The following NRG1 variants were observed in gnomAD, a reference collection of about 807,000 sequenced individuals.
NRG1 encodes neuregulin 1, also known as pro-neuregulin-1, membrane-bound isoform.
NRG1 carries 18 observed loss-of-function variants against 63.8 expected under a neutral mutation model. That is an observed-to-expected ratio of 0.28 (90% CI 0.19 to 0.42). NRG1 has a LOEUF of 0.42. Ranked by LOEUF, NRG1 falls within the 10% of genes least tolerant of loss-of-function variation. The pLI, the probability that NRG1 is intolerant of heterozygous loss-of-function variation, is 1.00. For synonymous variants in NRG1, 302 were observed against 301.3 expected (o/e 1.00, Z -0.02); for missense variants, 762 against 814.7 (o/e 0.94, Z 0.79).
intron 1 of NRG1, among the ~76,000 whole-genome samples, chr8:32,585,737 A>G (rs957848872): frequency 2.0e-5 from 3 of 152,170 alleles, no homozygotes; most frequent in Non-Finnish European, 2.9e-5. Flanking sequence ...AAATTCAGCA[A>G]TTTTGCATAT....
intron 1 of NRG1, among the ~76,000 whole-genome samples, chr8:31,834,225 T>C (rs966790793): frequency 6.6e-6 from 1 of 152,006 alleles, no homozygotes; most frequent in Admixed American, 6.5e-5. Flanking sequence ...GTCCCCATGA[T>C]TAATCTGACT....
intron 1 of NRG1, among the ~76,000 whole-genome samples, chr8:31,951,872 A>G: frequency 6.6e-6 from 1 of 152,196 alleles, no homozygotes; most frequent in East Asian, 1.9e-4. Context: ...ATGGCCTGTA[A>G]AATATTCTTG....
intron 1 of NRG1, among the ~76,000 whole-genome samples, chr8:32,108,159 C>G (rs1831519095): frequency 6.6e-6 from 1 of 152,162 alleles, no homozygotes; most frequent in Non-Finnish European, 1.5e-5. Context: ...TCACCCTCAT[C>G]CCCGAAACCT....
chr8:32,096,177 G>A (rs552662965), intron 1 of NRG1, among the ~76,000 whole-genome samples: 10 of 152,174 alleles, frequency 6.6e-5, no homozygotes, highest in South Asian at 2.1e-4. Context: ...AAACCAACAC[G>A]TAGCATTAAG....
At chr8:32,572,467 T>G (rs1317381514) in intron 1 of NRG1, among the ~76,000 whole-genome samples, 2 of 152,200 alleles carry the variant, frequency 1.3e-5, no homozygotes, top group Non-Finnish European at 2.9e-5. Context: ...CCTCTAAGAA[T>G]AATAATCCCG....
intron 1 of NRG1, among the ~76,000 whole-genome samples, chr8:32,025,469 A>G (rs1586560113): frequency 6.6e-6 from 1 of 152,342 alleles, no homozygotes; most frequent in Middle Eastern, 3.4e-3. Context: ...AGTATAATTG[A>G]TATTTTAATT....
At chr8:31,678,943 A>T (rs1484324110) in intron 1 of NRG1, among the ~76,000 whole-genome samples, 1 of 151,858 alleles carries the variant, frequency 6.6e-6, no homozygotes, top group Admixed American at 6.6e-5. Context: ...ATTTCATGGT[A>T]GGTTTTTAAG....
At chr8:32,029,795 A>G (rs1326919321) in intron 1 of NRG1, among the ~76,000 whole-genome samples, 2 of 152,138 alleles carry the variant, frequency 1.3e-5, no homozygotes, top group African/African-American at 4.8e-5. Flanking sequence ...AATACTTAAC[A>G]ATTGAATTTG....
chr8:32,148,191 A>G (rs1338458508), intron 1 of NRG1, among the ~76,000 whole-genome samples: 1 of 152,136 alleles, frequency 6.6e-6, no homozygotes, highest in Non-Finnish European at 1.5e-5. Context: ...ACCCATTTCA[A>G]ATATGAGGAA....
intron 5 of NRG1, among the ~76,000 whole-genome samples, chr8:32,629,421 A>G (rs16879634): frequency 0.023 from 3,551 of 152,268 alleles, 57 homozygotes; most frequent in Middle Eastern, 0.1. Flanking sequence ...TTACTATGCC[A>G]GTTCCCAGGG....
chr8:32,726,432 T>C (rs937978348), intron 5 of NRG1, among the ~76,000 whole-genome samples: 2 of 152,108 alleles, frequency 1.3e-5, no homozygotes, highest in African/African-American at 4.8e-5. Context: ...ATCTGAGTGG[T>C]TAAATGACTT....
exon 12 of NRG1, chr8:32,766,114 G>A (rs1266152662): frequency 1.3e-5 from 2 of 152,146 alleles, no homozygotes; most frequent in East Asian, 3.9e-4. Flanking sequence ...TGAACTGAAT[G>A]TATTTCTTCA....
intron 3 of NRG1, among the ~76,000 whole-genome samples, chr8:32,613,688 A>G (rs183023065): frequency 1.4e-4 from 22 of 152,078 alleles, no homozygotes; most frequent in African/African-American, 5.3e-4. Flanking sequence ...GGCAAGACTT[A>G]TGACACAGTG....
At chr8:31,822,150 T>C (rs1824065553) in intron 1 of NRG1, among the ~76,000 whole-genome samples, 2 of 152,168 alleles carry the variant, frequency 1.3e-5, no homozygotes, top group South Asian at 4.1e-4. Context: ...TCTGAACTAT[T>C]TCCAATAACT....
intron 1 of NRG1, among the ~76,000 whole-genome samples, chr8:31,952,246 A>G (rs151061436): frequency 2.0e-5 from 3 of 152,366 alleles, no homozygotes; most frequent in Non-Finnish European, 4.4e-5. Context: ...AACTTTTCTG[A>G]AATGATGAAG....
chr8:32,694,915 A>G (rs1199280753), intron 5 of NRG1, among the ~76,000 whole-genome samples: 6 of 152,188 alleles, frequency 3.9e-5, no homozygotes. Context: ...CTCCTTGTTC[A>G]GTCCTCTTTA....
chr8:32,546,034 C>A (rs1833030859), upstream of NRG1, among the ~76,000 whole-genome samples: 1 of 152,154 alleles, frequency 6.6e-6, no homozygotes, highest in Non-Finnish European at 1.5e-5. Context: ...CCCTAAAATT[C>A]CTGTAGGAAT....
intron 1 of NRG1, among the ~76,000 whole-genome samples, chr8:32,055,751 A>C (rs1822819106): frequency 6.6e-6 from 1 of 150,696 alleles, no homozygotes; most frequent in African/African-American, 2.5e-5. Context: ...CTTTTAACTC[A>C]GAGGTATACT....
At chr8:32,432,924 A>G (rs1818329209) in intron 1 of NRG1, among the ~76,000 whole-genome samples, 1 of 152,152 alleles carries the variant, frequency 6.6e-6, no homozygotes, top group South Asian at 2.1e-4. Flanking sequence ...GATTAAATTT[A>G]GTTTACCATT....
Sources: gnomAD v4.1 joint callset for allele counts (sites outside exome capture counted in the v4.1 genomes callset) on GRCh38, gnomAD v4.1.1 for gene constraint, MANE v1.5 for transcripts, NCBI Gene and HGNC (gene_info 2026-07-23, HGNC 2026-07-21) for gene names.